Variants in CYB5R4 observed in about 807,000 individuals in gnomAD.
CYB5R4 encodes cytochrome b5 reductase 4.
In CYB5R4, 55 loss-of-function variants were observed where a neutral mutation model predicts 70.2. The observed-to-expected ratio is 0.78, with a 90% CI of 0.63 to 0.98. The LOEUF (loss-of-function observed/expected upper bound fraction) is 0.98, where lower values mean the gene tolerates loss of function less well. CYB5R4 is among the 50% of genes least tolerant of loss of function. CYB5R4 has a pLI of 0.00. For synonymous variants in CYB5R4, 197 were observed against 199.5 expected (o/e 0.99, Z 0.11); for missense variants, 562 against 612.6 (o/e 0.92, Z 0.87).
chr6:83,877,775 A>G (rs1053295411), intron 2 of CYB5R4, among the ~76,000 whole-genome samples: 2 of 152,048 alleles, frequency 1.3e-5, no homozygotes, highest in Non-Finnish European at 2.9e-5. Context: ...AGCGAGTAAG[A>G]TTTCTTTTTT....
At chr6:83,938,724 A>G (rs1355213191) in intron 12 of CYB5R4, among the ~76,000 whole-genome samples, 1 of 152,238 alleles carries the variant, frequency 6.6e-6, no homozygotes, top group Non-Finnish European at 1.5e-5. Flanking sequence ...AAAGTTACCA[A>G]GTTAATACTC....
At position 83,964,470 on chromosome 6, in the gene CYB5R4, G is replaced by C. The variant is rs1229205210; in HGVS notation, c.*4592G>C. The C allele has an allele frequency of 2.0e-5, 3 of 152,928 alleles. No homozygotes were observed. Among genetic ancestry groups the C allele is most frequent in the African/African-American group, 7.2e-5 (3 of 41,442 alleles). 9.5% of individuals were successfully genotyped at this position (152,928 alleles called of 1,614,324 possible). A position where few individuals can be genotyped will look rare whatever the true frequency, so the allele number is the denominator to read the frequency against. ...CTCTGAACTTGAGAGAGATGATTAA[G>C]GGTATCTGGTGGAAGAAATTTCTAA... On this transcript the variant is annotated 3_prime_UTR_variant, in exon 16 of 16. Coordinates refer to ENST00000369681, the MANE Select transcript of CYB5R4 (RefSeq NM_016230.4).
intron 2 of CYB5R4, among the ~76,000 whole-genome samples, chr6:83,875,423 G>C (rs1434700406): frequency 6.6e-6 from 1 of 152,094 alleles, no homozygotes; most frequent in African/African-American, 2.4e-5. Context: ...TTATGGTAGT[G>C]TTACAGGACC....
chr6:83,885,808 A>G (rs2099460165), intron 2 of CYB5R4, among the ~76,000 whole-genome samples: 1 of 152,188 alleles, frequency 6.6e-6, no homozygotes, highest in Non-Finnish European at 1.5e-5. Context: ...ATTGCTGGTA[A>G]GAATGGAAAA....
intron 3 of CYB5R4, among the ~76,000 whole-genome samples, chr6:83,896,500 T>G (rs574164181): frequency 6.6e-6 from 1 of 152,356 alleles, no homozygotes; most frequent in African/African-American, 2.4e-5. Context: ...GTAGCTCCTA[T>G]GAGTGAAAAC....
At chr6:83,939,153 T>C (rs1396821575) in intron 12 of CYB5R4, among the ~76,000 whole-genome samples, 3 of 152,154 alleles carry the variant, frequency 2.0e-5, no homozygotes, top group African/African-American at 2.4e-5. Context: ...CAAATACTTA[T>C]TTCATCAACT....
At chr6:83,953,371 A>T in intron 14 of CYB5R4, among the ~76,000 whole-genome samples, 1 of 151,674 alleles carries the variant, frequency 6.6e-6, no homozygotes, top group Admixed American at 6.6e-5. Context: ...ATATAATTAT[A>T]TATATTTTAT....
intron 3 of CYB5R4, among the ~76,000 whole-genome samples, chr6:83,898,254 G>T (rs1354478771): frequency 3.3e-5 from 5 of 152,108 alleles, no homozygotes; most frequent in African/African-American, 1.2e-4. Context: ...TGTCAGGTTT[G>T]TCAAAGATCA....
rs1415124166 is a variant in CYB5R4 at position 83,859,698 on chromosome 6, CTCT to C, written c.-84_-82del. ...CCCGGAAGTGGGTCGGGGGCTTGGCCTCTGCCCGGCCACAGAGCCGGAGCTGGA... is the reference window on the plus strand; with the variant it reads ...CCCGGAAGTGGGTCGGGGGCTTGGCCGCCCGGCCACAGAGCCGGAGCTGGA... On this transcript the variant is annotated 5_prime_UTR_variant, in exon 1 of 16. Coordinates refer to ENST00000369681, the MANE Select transcript of CYB5R4 (RefSeq NM_016230.4). The C allele has an allele frequency of 6.7e-7, 1 of 1,487,618 alleles. No homozygotes were observed. The highest frequency in any genetic ancestry group is 9.2e-7 in the Non-Finnish European group (1 of 1,081,814). The allele number at this position is 1,487,618 out of a possible 1,614,324, so 92.2% of individuals were successfully genotyped here.
chr6:83,950,809 C>T (rs946724176), intron 14 of CYB5R4, among the ~76,000 whole-genome samples: 1 of 152,096 alleles, frequency 6.6e-6, no homozygotes, highest in African/African-American at 2.4e-5. Context: ...CTGTATCTTT[C>T]TATTCATATG....
intron 2 of CYB5R4, among the ~76,000 whole-genome samples, chr6:83,884,803 C>T (rs961248944): frequency 3.3e-5 from 5 of 152,122 alleles, no homozygotes; most frequent in African/African-American, 7.2e-5. Flanking sequence ...CTACAGTATA[C>T]TGGCATAATA....
intron 14 of CYB5R4, among the ~76,000 whole-genome samples, chr6:83,942,830 T>C (rs555298483): frequency 6.6e-6 from 1 of 151,812 alleles, no homozygotes; most frequent in African/African-American, 2.4e-5. Context: ...CCACTCACAG[T>C]GTAAAAAAAG....
intron 3 of CYB5R4, among the ~76,000 whole-genome samples, chr6:83,908,612 A>G (rs182136234): frequency 3.3e-5 from 5 of 152,342 alleles, no homozygotes; most frequent in Admixed American, 6.5e-5. Context: ...GAAGAAGATA[A>G]TAATTACTAG....
chr6:83,908,734 T>C (rs2099464208), intron 3 of CYB5R4, among the ~76,000 whole-genome samples: 1 of 152,178 alleles, frequency 6.6e-6, no homozygotes, highest in Non-Finnish European at 1.5e-5. Flanking sequence ...GAGTAACTTT[T>C]TATTAGTATT....
rs199939229 is a variant in CYB5R4 at position 83,940,110 on chromosome 6, A to G, written c.1163A>G (p.Gln388Arg). 211 of 1,611,814 alleles carry G rather than the reference A, an allele frequency of 1.3e-4. No individual in the cohort carries two copies. Among genetic ancestry groups the G allele is most frequent in the Non-Finnish European group, 1.6e-4 (192 of 1,178,750 alleles). ...GGCAATTTTAAAATATCCAAGTTCC[A>G]AGAATTAGAAGATCTCTTTTTGTTG... is the stretch of plus-strand genomic sequence containing the variant. ...PEGNFKISKF[Q>R]ELEDLFLLAA... The change falls in exon 13 of 16, where the codon CAA becomes CGA. Residue 388 changes from glutamine to arginine, a missense_variant. Gln to Arg is a conservative substitution (Grantham distance 43). Coordinates refer to ENST00000369681, the MANE Select transcript of CYB5R4 (RefSeq NM_016230.4).
At chr6:83,895,953 G>A (rs1484078754) in intron 3 of CYB5R4, among the ~76,000 whole-genome samples, 1 of 151,980 alleles carries the variant, frequency 6.6e-6, no homozygotes, top group Non-Finnish European at 1.5e-5. Context: ...TTATCCCACC[G>A]CTGACCTCTT....
Position 83,912,056 on chromosome 6 carries a change from C to CAAAA in CYB5R4, c.413-2342_413-2339dup, listed in dbSNP as rs34601186. Among the ~76,000 whole-genome samples the CAAAA allele has an allele frequency of 2.5e-3, 162 of 64,652 alleles. 1 individual carries two copies. Among genetic ancestry groups the CAAAA allele is most frequent in the African/African-American group, 7.3e-3 (146 of 19,956 alleles). 42.4% of individuals were successfully genotyped at this position (64,652 alleles called of 152,430 possible). A position where few individuals can be genotyped will look rare whatever the true frequency, so the allele number is the denominator to read the frequency against. On this transcript the variant is annotated intron_variant, in intron 4 of 15. Coordinates refer to ENST00000369681, the MANE Select transcript of CYB5R4 (RefSeq NM_016230.4). ...TGGGTGACAGAGAGAGGCCTTGTCT[C>CAAAA]AAAAAAAAAAAAAAAAAAAAAGCCT...
At chr6:83,865,284 A>G (rs930064267) in intron 2 of CYB5R4, among the ~76,000 whole-genome samples, 1 of 152,168 alleles carries the variant, frequency 6.6e-6, no homozygotes, top group African/African-American at 2.4e-5. Flanking sequence ...TGGATTGGTG[A>G]TATCAACACC....
chr6:83,957,100 TTTAG>T (rs1361831986), intron 15 of CYB5R4, among the ~76,000 whole-genome samples: 1 of 151,976 alleles, frequency 6.6e-6, no homozygotes, highest in African/African-American at 2.4e-5. Context: ...AAAATGTTGT[TTTAG>T]TTAAACTCTC....
Sources: allele counts gnomAD v4.1 joint callset (sites outside exome capture counted in the v4.1 genomes callset), GRCh38; gene constraint gnomAD v4.1.1; transcripts MANE v1.5; gene names NCBI Gene and HGNC (gene_info 2026-07-23, HGNC 2026-07-21).